Variants in DSCAML1 observed in about 807,000 individuals in gnomAD.
DSCAML1 encodes DS cell adhesion molecule like 1, also known as cell adhesion molecule DSCAML1.
In DSCAML1, 38 loss-of-function variants were observed where a neutral mutation model predicts 200.5. That is an observed-to-expected ratio of 0.19 (90% CI 0.15 to 0.25). The LOEUF (loss-of-function observed/expected upper bound fraction) is 0.25. Ranked by LOEUF, DSCAML1 falls within the 10% of genes least tolerant of loss-of-function variation. DSCAML1 has a pLI of 1.00. For missense variants in DSCAML1, 2,223 were observed against 2,858.8 expected (o/e 0.78, Z 5.07); for synonymous variants, 1,215 against 1,165.0 (o/e 1.04, Z -0.87).
intron 1 of DSCAML1, among the ~76,000 whole-genome samples, chr11:117,808,799 T>A (rs2055730981): frequency 6.6e-6 from 1 of 152,162 alleles, no homozygotes; most frequent in South Asian, 2.1e-4. Context: ...AGCAGAAGCC[T>A]TGGTGAACAC....
chr11:117,632,499 GC>G (rs1046129790), intron 3 of DSCAML1, among the ~76,000 whole-genome samples: 11 of 152,034 alleles, frequency 7.2e-5, no homozygotes, highest in Non-Finnish European at 1.2e-4. Context: ...CACCAGCCTG[GC>G]CCCCCGCTCA....
chr11:117,589,554 C>T (rs2051217963), intron 3 of DSCAML1, among the ~76,000 whole-genome samples: 1 of 152,094 alleles, frequency 6.6e-6, no homozygotes, highest in Non-Finnish European at 1.5e-5. Context: ...TCGTATGCAC[C>T]AGGGATCTTA....
chr11:117,539,495 C>A (rs966433407), intron 3 of DSCAML1, among the ~76,000 whole-genome samples: 20 of 151,004 alleles, frequency 1.3e-4, no homozygotes, highest in African/African-American at 4.9e-4. Flanking sequence ...GTAATCCCAG[C>A]TACTCAGGAA....
In DSCAML1 at chr11:117,811,000, A is replaced by G. The variant is rs568876578; in HGVS notation, c.-250+6390T>C. ...CCAAGCTAGGTCCCATTTCTTCCTCAGCCTCCGCTCCTCCACCCTGTAATC... is the reference window on the plus strand; with the variant it reads ...CCAAGCTAGGTCCCATTTCTTCCTCGGCCTCCGCTCCTCCACCCTGTAATC... On this transcript the variant is annotated intron_variant, in intron 1 of 2. Transcript: ENST00000525836. Among the ~76,000 whole-genome samples, 149 of 152,084 alleles carry G rather than the reference A, an allele frequency of 9.8e-4. 1 individual carries two copies. The highest frequency in any genetic ancestry group is 1.8e-3 in the Admixed American group (28 of 15,288).
chr11:117,792,796 T>G (rs1439405887), intron 1 of DSCAML1, among the ~76,000 whole-genome samples: 1 of 152,166 alleles, frequency 6.6e-6, no homozygotes, highest in Non-Finnish European at 1.5e-5. Context: ...TCCTGCACCA[T>G]GAGAGGAGCA....
intron 3 of DSCAML1, among the ~76,000 whole-genome samples, chr11:117,654,269 TG>T (rs2052690849): frequency 6.6e-6 from 1 of 152,186 alleles, no homozygotes; most frequent in African/African-American, 2.4e-5. Flanking sequence ...TAACATTGAC[TG>T]TAGTGATGGT....
At chr11:117,777,047 C>T in intron 2 of DSCAML1, 110 bp from the exon 3 acceptor site, 4 of 1,101,564 alleles carry the variant, frequency 3.6e-6, no homozygotes, top group East Asian at 5.2e-5. Context: ...TCAGCCTCAC[C>T]TTCCCACTTC....
chr11:117,650,528 G>A (rs1484085911), intron 3 of DSCAML1, among the ~76,000 whole-genome samples: 2 of 152,162 alleles, frequency 1.3e-5, no homozygotes, highest in Non-Finnish European at 2.9e-5. Flanking sequence ...GAGATCACAC[G>A]CAGCCTCGTG....
chr11:117,482,024 C>T lies in DSCAML1; in HGVS notation c.2498G>A (p.Arg833His), dbSNP rs761341575. The part of the protein sequence containing the change: ...EKGDTVIDPD[R>H]VMRYAIATKD... Reference sequence around the variant, plus strand: ...GGTGGCGATGGCATACCGCATGACGCGGTCAGGGTCGATGACTGTGTCCCC... The same window carrying T: ...GGTGGCGATGGCATACCGCATGACGTGGTCAGGGTCGATGACTGTGTCCCC... The change falls in exon 12 of 33, where the codon CGC (arginine) becomes CAC (histidine). Residue 833 changes from arginine (R) to histidine (H), a missense_variant. This residue lies in a region of DSCAML1 where 438 missense variants were observed against 629.7 expected (regional missense o/e 0.70). Coordinates refer to ENST00000651296, the MANE Select transcript of DSCAML1 (RefSeq NM_020693.4). The T allele has an allele frequency of 1.9e-5, 31 of 1,614,066 alleles. No homozygotes were observed. The highest frequency in any genetic ancestry group is 5.0e-5 in the Admixed American group (3 of 60,006).
At chr11:117,678,099 T>C (rs2053248409) in intron 3 of DSCAML1, among the ~76,000 whole-genome samples, 1 of 152,138 alleles carries the variant, frequency 6.6e-6, no homozygotes, top group Non-Finnish European at 1.5e-5. Flanking sequence ...ATATCTTCCA[T>C]GAGAGAGAGG....
intron 21 of DSCAML1, among the ~76,000 whole-genome samples, chr11:117,441,679 T>G (rs1045973611): frequency 4.8e-5 from 7 of 146,104 alleles, no homozygotes; most frequent in East Asian, 2.0e-4. Context: ...GGAGGGAGAG[T>G]GAGAGTGAGG....
intron 3 of DSCAML1, among the ~76,000 whole-genome samples, chr11:117,690,023 C>T (rs774537301): frequency 3.9e-5 from 6 of 152,054 alleles, no homozygotes; most frequent in African/African-American, 1.4e-4. Context: ...CTCATCAAGC[C>T]GCCAGCATGC....
intron 20 of DSCAML1, among the ~76,000 whole-genome samples, chr11:117,445,915 G>A (rs2048168973): frequency 6.6e-6 from 1 of 152,024 alleles, no homozygotes; most frequent in Non-Finnish European, 1.5e-5. Context: ...AAGTTCCAGT[G>A]GATCAAAGGT....
At chr11:117,453,141 G>A (rs2048311710) in intron 19 of DSCAML1, among the ~76,000 whole-genome samples, 2 of 152,048 alleles carry the variant, frequency 1.3e-5, no homozygotes, top group Admixed American at 1.3e-4. Flanking sequence ...CACCATGTTG[G>A]CCAGGCTGGT....
chr11:117,461,441 C>A lies in DSCAML1; in HGVS notation c.3412+9G>T, dbSNP rs1322315104. The A allele has an allele frequency of 8.1e-6, 13 of 1,614,036 alleles. No homozygotes were observed. The highest frequency in any genetic ancestry group is 1.1e-5 in the Non-Finnish European group (13 of 1,180,032). ...CCTGAGTCCCAGCCATCAGTCCCAG[C>A]AGACTCACCCCCATCAACATAGAGG... On this transcript the variant is annotated intron_variant, in intron 18 of 32. Transcript: ENST00000651296.
At chr11:117,693,598 G>C (rs1036125301) in intron 3 of DSCAML1, among the ~76,000 whole-genome samples, 1 of 152,132 alleles carries the variant, frequency 6.6e-6, no homozygotes, top group Admixed American at 6.5e-5. Flanking sequence ...GCTGGGAAAA[G>C]CCTGTGTCAG....
At chr11:117,718,297 G>A (rs2053986850) in intron 3 of DSCAML1, among the ~76,000 whole-genome samples, 1 of 152,134 alleles carries the variant, frequency 6.6e-6, no homozygotes, top group South Asian at 2.1e-4. Flanking sequence ...GCTGGGAACC[G>A]GCAGGGCTCT....
At chr11:117,753,952 C>T (rs1449838766) in intron 3 of DSCAML1, among the ~76,000 whole-genome samples, 4 of 152,174 alleles carry the variant, frequency 2.6e-5, no homozygotes, top group African/African-American at 9.7e-5. Context: ...GTGAAGCAGG[C>T]ATTGCTTGCA....
intron 3 of DSCAML1, among the ~76,000 whole-genome samples, chr11:117,683,676 A>G (rs981494147): frequency 6.6e-6 from 1 of 152,156 alleles, no homozygotes; most frequent in African/African-American, 2.4e-5. Flanking sequence ...GGCTCATATA[A>G]TGGATTCACT....
Sources: allele counts gnomAD v4.1 joint callset (sites outside exome capture counted in the v4.1 genomes callset), GRCh38; gene constraint gnomAD v4.1.1; regional missense constraint gnomAD v4.1.1; transcripts MANE v1.5; gene names NCBI Gene and HGNC (gene_info 2026-07-23, HGNC 2026-07-21).